Variants in PRPF19 observed in about 807,000 individuals in gnomAD.
The protein encoded by PRPF19 is pre-mRNA-processing factor 19.
A neutral mutation model predicts 64.2 loss-of-function variants in PRPF19; 2 were observed. The observed-to-expected ratio is 0.03, with a 90% CI of 0.01 to 0.10. PRPF19 has a LOEUF of 0.10. Ranked by LOEUF, PRPF19 falls within the 10% of genes least tolerant of loss-of-function variation. The pLI is 1.00. For missense variants in PRPF19, 314 were observed against 650.0 expected, an observed-to-expected ratio of 0.48 and a Z score of 5.62; for synonymous variants, 226 against 251.6, an observed-to-expected ratio of 0.90 and a Z score of 0.96.
intron 3 of PRPF19, 68 bp downstream of exon 3, chr11:60,903,391 C>G (rs943185215): frequency 6.1e-6 from 9 of 1,477,844 alleles, no homozygotes; most frequent in African/African-American, 5.6e-5. Flanking sequence ...CTTCCTACCC[C>G]CAAGTCCTAA....
In PRPF19 at chr11:60,890,600, A is replaced by G. The variant is rs902130734; in HGVS notation, c.*566T>C. 7.5e-4 allele frequency: 223 copies of G among 297,854 alleles called. 4 individuals carry two copies. The highest frequency in any genetic ancestry group is 4.7e-3 in the African/African-American group (208 of 44,340). 18.5% of individuals were successfully genotyped at this position (297,854 alleles called of 1,614,324 possible). A position where few individuals can be genotyped will look rare whatever the true frequency, so the allele number is the denominator to read the frequency against. On this transcript the variant is annotated 3_prime_UTR_variant, in exon 16 of 16. Transcript: ENST00000227524. Reference sequence around the variant, plus strand: ...GCTGTGCAATTAAAAAAAAAAAAAAAGGGTAAGAGCTGTGAAAGGAAAGGA... The same window carrying G: ...GCTGTGCAATTAAAAAAAAAAAAAAGGGGTAAGAGCTGTGAAAGGAAAGGA...
At position 60,902,501 on chromosome 11, in the gene PRPF19, G is replaced by A; in HGVS notation, c.463-36C>T. The A allele has an allele frequency of 6.2e-7, 1 of 1,611,170 alleles. No individual in the cohort carries two copies. The highest frequency in any genetic ancestry group is 8.5e-7 in the Non-Finnish European group (1 of 1,177,286). ...GAAAGGTGAGGGTGAGAGGCACAGA[G>A]CACCAAAGACACCTGCATAAGGACA... On this transcript the variant is annotated intron_variant, in intron 5 of 15. Coordinates refer to ENST00000227524, the MANE Select transcript of PRPF19 (RefSeq NM_014502.5). The surrounding 1 kb of genome is among the most constrained non-coding windows in gnomAD (Gnocchi z 5.0).
rs768334038 is a variant in PRPF19 at position 60,899,224 on chromosome 11, C to G, written c.909G>C (p.Arg303=). The G allele has an allele frequency of 1.2e-6, 2 of 1,614,076 alleles. No homozygotes were observed. Among genetic ancestry groups the G allele is most frequent in the South Asian group, 2.2e-5 (2 of 91,072 alleles). ...VPNASCVQVV[R]AHESAVTGLS... ...GGCCTGTCACAGCACTCTCATGGGCCCGAACCACCTGTACACAAGAGGCAT... is the reference window on the plus strand; with the variant it reads ...GGCCTGTCACAGCACTCTCATGGGCGCGAACCACCTGTACACAAGAGGCAT... Residue 303 remains arginine (R), a synonymous_variant, in exon 11 of 16, where the codon CGG becomes CGC. Coordinates refer to ENST00000227524, the MANE Select transcript of PRPF19 (RefSeq NM_014502.5).
At chr11:60,905,870 C>T (rs1354308854) in intron 1 of PRPF19, among the ~76,000 whole-genome samples, 1 of 152,250 alleles carries the variant, frequency 6.6e-6, no homozygotes, top group African/African-American at 2.4e-5. Flanking sequence ...AGCCTTGCCT[C>T]TACCTCTAAC....
intron 9 of PRPF19, 22 bp from the exon 10 acceptor site, chr11:60,900,713 C>A (rs758308868): frequency 1.3e-6 from 2 of 1,560,004 alleles, no homozygotes; most frequent in South Asian, 2.3e-5. Flanking sequence ...CCAAAAAGAC[C>A]AAACAATGAG....
intron 1 of PRPF19, 138 bp downstream of exon 1, chr11:60,906,226 G>C (rs1014225199): frequency 7.4e-7 from 1 of 1,344,572 alleles, no homozygotes; most frequent in East Asian, 2.9e-5. Context: ...GGGCTCCGGT[G>C]CTGACAGGCC....
chr11:60,904,423 C>T (rs1856019723), intron 1 of PRPF19, among the ~76,000 whole-genome samples: 1 of 152,180 alleles, frequency 6.6e-6, no homozygotes, highest in African/African-American at 2.4e-5. Context: ...CACCAGGTAC[C>T]TGGAGATAGT....
intron 1 of PRPF19, 27 bp from the exon 2 acceptor site, chr11:60,903,888 T>C: frequency 3.1e-6 from 5 of 1,601,814 alleles, no homozygotes; most frequent in Non-Finnish European, 4.2e-6. Flanking sequence ...GGTAGTGAGC[T>C]TGGAGTGAAG....
chr11:60,897,427 ACATATCCC>A (rs1855933946), intron 15 of PRPF19: 1 of 163,814 alleles, frequency 6.1e-6, no homozygotes, highest in African/African-American at 2.4e-5. Context: ...ATTTCTCAGA[ACATATCCC>A]CATTATTAAG....
chr11:60,901,833 A>G (rs1025772984), intron 6 of PRPF19, among the ~76,000 whole-genome samples: 3 of 152,076 alleles, frequency 2.0e-5, no homozygotes, highest in Non-Finnish European at 4.4e-5. Context: ...AGGACTGTAG[A>G]GCTCCCATAG....
In PRPF19 at chr11:60,899,301, G is replaced by C. The variant is rs765274141; in HGVS notation, c.832C>G (p.Leu278Val). ...GCATCGGGGGAAGCAGAAAACACCA[G>C]GTCCTACAAGGAAAACAAAGACAGA... is the stretch of plus-strand genomic sequence containing the variant. ...TSVVFHPSQD[L>V]VFSASPDATI... is the part of the protein sequence containing the mutation. The change falls in exon 11 of 16, where the codon CTG becomes GTG. Residue 278 changes from leucine to valine, a missense_variant. Coordinates refer to ENST00000227524, the MANE Select transcript of PRPF19 (RefSeq NM_014502.5). The C allele has an allele frequency of 3.1e-6, 5 of 1,609,586 alleles. No individual in the cohort carries two copies. In the East Asian group the frequency reaches 1.1e-4, roughly 36 times the overall value.
At chr11:60,896,143 A>G (rs1251710652) in intron 15 of PRPF19, among the ~76,000 whole-genome samples, 1 of 152,218 alleles carries the variant, frequency 6.6e-6, no homozygotes, top group African/African-American at 2.4e-5. Context: ...GTATCCATAA[A>G]ATACAATAAA....
In PRPF19 at chr11:60,902,398, C is replaced by G. The variant is rs1270224096; in HGVS notation, c.525+5G>C. The G allele has an allele frequency of 3.7e-6, 6 of 1,613,454 alleles. No individual in the cohort carries two copies. Among genetic ancestry groups the G allele is most frequent in the Non-Finnish European group, 5.1e-6 (6 of 1,179,680 alleles). On this transcript the variant is annotated splice_donor_5th_base_variant and intron_variant, in intron 6 of 15. Transcript: ENST00000227524. This position sits in a 1 kb window ranked among gnomAD's most constrained non-coding sequence, Gnocchi z 5.0. ...GCACTCCCACCAGGTGAGAGCAGGA[C>G]TTACCTTCTGAATAATCTCTGGGGT...
intron 10 of PRPF19, among the ~76,000 whole-genome samples, chr11:60,900,188 C>T (rs1430300109): frequency 6.6e-6 from 1 of 152,212 alleles, no homozygotes; most frequent in African/African-American, 2.4e-5. Flanking sequence ...CAACAGTCAA[C>T]ATGATTTTTA....
In PRPF19 at chr11:60,900,888, G is replaced by T; in HGVS notation, c.684C>A (p.Asp228Glu). Reference protein sequence around the residue: ...SASIPGILALDLCPSDTNKIL... With the variant: ...SASIPGILALELCPSDTNKIL... ...TCTTGTTGGTGTCGGACGGGCAGAG[G>T]TCCAGGGCCAGGATCCCAGGAATGC... Residue 228 changes from aspartate to glutamate, a missense_variant, in exon 9 of 16, where the codon GAC becomes GAA. Asp to Glu is a conservative substitution (Grantham distance 45, BLOSUM62 2). This residue lies in a region of PRPF19 where 175 missense variants were observed against 342.9 expected (regional missense o/e 0.51). Coordinates refer to ENST00000227524, the MANE Select transcript of PRPF19 (RefSeq NM_014502.5). 2 of 1,614,116 alleles carry T rather than the reference G, an allele frequency of 1.2e-6. No homozygotes were observed. The highest frequency in any genetic ancestry group is 1.7e-6 in the Non-Finnish European group (2 of 1,180,024).
At chr11:60,906,187 T>G (rs1231138138) in intron 1 of PRPF19, among the ~76,000 whole-genome samples, 177 bp downstream of exon 1, 1 of 152,206 alleles carries the variant, frequency 6.6e-6, no homozygotes, top group Non-Finnish European at 1.5e-5. Flanking sequence ...TGCGGGGCAC[T>G]GCGCAAATGC....
At chr11:60,891,392 G>A in intron 15 of PRPF19, 129 bp from the exon 16 acceptor site, 5 of 714,142 alleles carry the variant, frequency 7.0e-6, no homozygotes, top group South Asian at 5.0e-5. Context: ...GCAGGCTCCT[G>A]TTTGTTTTCC....
At chr11:60,903,685 C>G in intron 2 of PRPF19, 27 bp downstream of exon 2, 1 of 1,582,694 alleles carries the variant, frequency 6.3e-7, no homozygotes, top group South Asian at 1.1e-5. Flanking sequence ...GCTAAGATGG[C>G]CCTAGACTAA....
In PRPF19 at chr11:60,898,980, G is replaced by A; in HGVS notation, c.985-49C>T. ...GGAGTCAGTGAGAAAGTGGGTCCCA[G>A]GTTCTGGTGGCCCTTCAGCAAGACA... On this transcript the variant is annotated intron_variant, in intron 11 of 15. Coordinates refer to ENST00000227524, the MANE Select transcript of PRPF19 (RefSeq NM_014502.5). The surrounding 1 kb of genome is among the most constrained non-coding windows in gnomAD (Gnocchi z 4.6). 6.5e-7 allele frequency: 1 copy of A among 1,530,834 alleles called. No individual in the cohort carries two copies. The highest frequency in any genetic ancestry group is 8.9e-7 in the Non-Finnish European group (1 of 1,126,562). The allele number at this position is 1,530,834 out of a possible 1,614,324, so 94.8% of individuals were successfully genotyped here.
Sources: gnomAD v4.1 joint callset for allele counts (sites outside exome capture counted in the v4.1 genomes callset) on GRCh38, gnomAD v4.1.1 for gene constraint, gnomAD v4.1.1 regional missense constraint, Gnocchi (gnomAD v3.1) non-coding constraint, MANE v1.5 for transcripts, NCBI Gene and HGNC (gene_info 2026-07-23, HGNC 2026-07-21) for gene names.